TEX36: variants seen among roughly 807,000 people sequenced by gnomAD.
TEX36 encodes the protein testis expressed 36.
A neutral mutation model predicts 13.6 loss-of-function variants in TEX36; 12 were observed. That is an observed-to-expected ratio of 0.88 (90% CI 0.56 to 1.43). The LOEUF (loss-of-function observed/expected upper bound fraction) is 1.43, where lower values mean the gene tolerates loss of function less well. Ranked by LOEUF, TEX36 falls within the 40% of genes most tolerant of loss-of-function variation. TEX36 has a pLI of 0.00. For missense variants in TEX36, 224 were observed against 228.3 expected (o/e 0.98, Z 0.12); for synonymous variants, 93 against 83.0 (o/e 1.12, Z -0.65).
intron 3 of TEX36, among the ~76,000 whole-genome samples, chr10:125,577,649 C>CT (rs561281148): frequency 1.1e-3 from 169 of 152,342 alleles, no homozygotes; most frequent in Non-Finnish European, 1.9e-3. Flanking sequence ...TCCTCCAAGT[C>CT]TTTTTTCTCC....
chr10:125,632,658 ATC>A (rs1448451751), intron 3 of TEX36, among the ~76,000 whole-genome samples: 1 of 152,198 alleles, frequency 6.6e-6, no homozygotes, highest in Non-Finnish European at 1.5e-5. Flanking sequence ...CAGCTGGTGT[ATC>A]TGTCACCAGC....
At chr10:125,587,510 C>A (rs1235197028) in intron 3 of TEX36, among the ~76,000 whole-genome samples, 1 of 152,078 alleles carries the variant, frequency 6.6e-6, no homozygotes, top group Non-Finnish European at 1.5e-5. Flanking sequence ...TTATACAGGC[C>A]AGACCAGTGG....
intron 3 of TEX36, among the ~76,000 whole-genome samples, chr10:125,612,721 T>C (rs1446367552): frequency 1.3e-5 from 2 of 151,954 alleles, no homozygotes; most frequent in Non-Finnish European, 2.9e-5. Flanking sequence ...ATCGAGTATA[T>C]CTTACTTTTA....
exon 4 of TEX36, chr10:125,576,699 A>G (rs1845828125): frequency 1.3e-6 from 2 of 1,532,696 alleles, no homozygotes; most frequent in Non-Finnish European, 1.7e-6. Context: ...TACACATTCT[A>G]TTAGTCAGGA....
At chr10:125,594,202 A>G (rs1846054543) in intron 3 of TEX36, among the ~76,000 whole-genome samples, 1 of 152,260 alleles carries the variant, frequency 6.6e-6, no homozygotes, top group Admixed American at 6.5e-5. Context: ...TTTCTACAGT[A>G]TAGTAGCCAA....
At chr10:125,587,712 G>A (rs552317858) in intron 3 of TEX36, among the ~76,000 whole-genome samples, 1 of 151,866 alleles carries the variant, frequency 6.6e-6, no homozygotes, top group East Asian at 1.9e-4. Flanking sequence ...GCTTGAACTG[G>A]GAGGTAGAGG....
chr10:125,661,884 C>T lies in TEX36; in HGVS notation c.145G>A (p.Glu49Lys). ...PQSPHLPRQA[E>K]GKLPPIYKVR... ...TTGTATATGGGCGGCAGCTTCCCCT[C>T]CGCTTGCCGAGGCAAGTGTGGACTC... is the stretch of plus-strand genomic sequence containing the variant. The change falls in exon 2 of 4, where the codon GAG (glutamate) becomes AAG (lysine). Residue 49 changes from glutamate to lysine, a missense_variant. By Grantham distance (56) the Glu-to-Lys change is moderately conservative. Coordinates refer to ENST00000368821, the MANE Select transcript of TEX36 (RefSeq NM_001128202.3). The T allele has an allele frequency of 6.4e-7, 1 of 1,552,080 alleles. No individual in the cohort carries two copies. Among genetic ancestry groups the T allele is most frequent in the Non-Finnish European group, 8.7e-7 (1 of 1,147,064 alleles).
At chr10:125,641,866 A>T (rs944448428) in intron 3 of TEX36, among the ~76,000 whole-genome samples, 3 of 152,138 alleles carry the variant, frequency 2.0e-5, no homozygotes, top group African/African-American at 7.2e-5. Context: ...TTTTTGACTC[A>T]CTGGATTGAG....
intron 1 of TEX36, among the ~76,000 whole-genome samples, chr10:125,676,342 G>T (rs1847311492): frequency 6.6e-6 from 1 of 152,192 alleles, no homozygotes; most frequent in Non-Finnish European, 1.5e-5. Context: ...TTGCTGGATT[G>T]ATCCATTTAT....
chr10:125,589,608 A>C (rs138013493), intron 3 of TEX36, among the ~76,000 whole-genome samples: 1 of 152,210 alleles, frequency 6.6e-6, no homozygotes, highest in Non-Finnish European at 1.5e-5. Context: ...TATTTCCAGA[A>C]TACATTGAAA....
At chr10:125,578,491 G>A (rs1340892528) in intron 3 of TEX36, 3 of 152,268 alleles carry the variant, frequency 2.0e-5, no homozygotes, top group East Asian at 1.9e-4. Flanking sequence ...TTTTTCCCAA[G>A]ATAACATGGA....
intron 3 of TEX36, among the ~76,000 whole-genome samples, chr10:125,593,176 G>T (rs1464149773): frequency 1.3e-5 from 2 of 152,216 alleles, no homozygotes; most frequent in Non-Finnish European, 2.9e-5. Context: ...CCATCCTGGG[G>T]CTGCCCAAGG....
chr10:125,610,947 C>T (rs1029066420), intron 3 of TEX36, among the ~76,000 whole-genome samples: 1 of 152,142 alleles, frequency 6.6e-6, no homozygotes, highest in African/African-American at 2.4e-5. Flanking sequence ...TAGTGTCACT[C>T]GAGTCATAGG....
intron 3 of TEX36, among the ~76,000 whole-genome samples, chr10:125,647,030 G>A (rs543147921): frequency 5.3e-5 from 8 of 152,258 alleles, no homozygotes; most frequent in East Asian, 1.9e-4. Context: ...ATTGCATATC[G>A]AATTCTGAAT....
intron 3 of TEX36, among the ~76,000 whole-genome samples, chr10:125,658,637 T>G (rs1846984079): frequency 6.6e-6 from 1 of 152,158 alleles, no homozygotes; most frequent in East Asian, 1.9e-4. Context: ...AAAGATAATC[T>G]CATAATTCAA....
intron 3 of TEX36, among the ~76,000 whole-genome samples, chr10:125,641,453 G>A (rs1022768674): frequency 7.2e-5 from 11 of 152,234 alleles, no homozygotes; most frequent in African/African-American, 2.7e-4. Context: ...ATACTCAGTA[G>A]TTATGCAGAT....
intron 1 of TEX36, among the ~76,000 whole-genome samples, chr10:125,668,619 C>G (rs939969748): frequency 1.3e-5 from 2 of 152,028 alleles, no homozygotes; most frequent in African/African-American, 2.4e-5. Flanking sequence ...TGTGGCTAGT[C>G]TAGCAAGGAG....
chr10:125,679,535 T>C (rs1472726255), intron 1 of TEX36, among the ~76,000 whole-genome samples: 1 of 152,116 alleles, frequency 6.6e-6, no homozygotes, highest in East Asian at 1.9e-4. Context: ...GGTCGAGAAG[T>C]TCTCCATGGC....
At chr10:125,613,651 G>A (rs1181755557) in intron 3 of TEX36, among the ~76,000 whole-genome samples, 1 of 151,866 alleles carries the variant, frequency 6.6e-6, no homozygotes. Flanking sequence ...TGGTGTATAT[G>A]TGCCACGTTT....
Sources: gnomAD v4.1 joint callset for allele counts (sites outside exome capture counted in the v4.1 genomes callset) on GRCh38, gnomAD v4.1.1 for gene constraint, MANE v1.5 for transcripts, NCBI Gene and HGNC (gene_info 2026-07-23, HGNC 2026-07-21) for gene names.